The following PDK1 variants were observed in gnomAD, a reference collection of about 807,000 sequenced individuals.
The protein encoded by PDK1 is pyruvate dehydrogenase kinase 1.
Under a neutral mutation model 54.2 loss-of-function variants are expected in PDK1, and 39 were observed. That is an observed-to-expected ratio of 0.72 (90% CI 0.56 to 0.94). PDK1 has a LOEUF of 0.94. Ranked by LOEUF, PDK1 falls within the 40% of genes least tolerant of loss-of-function variation. The probability of loss-of-function intolerance (pLI) is 0.00; values close to 1 mark genes in which losing one functional copy is unlikely to be tolerated. For missense variants in PDK1, 552 were observed against 566.0 expected (o/e 0.98, Z 0.25); for synonymous variants, 221 against 207.1 (o/e 1.07, Z -0.58).
downstream of PDK1, among the ~76,000 whole-genome samples, chr2:172,609,083 G>A (rs147167171): frequency 3.8e-4 from 58 of 152,274 alleles, no homozygotes; most frequent in African/African-American, 1.4e-3. Flanking sequence ...GTTAATAATG[G>A]ACACTTTTGA....
At chr2:172,700,349 C>T in the PDK1 span, among the ~76,000 whole-genome samples, 189 of 104,976 alleles carry the variant, frequency 1.8e-3, no homozygotes, top group Middle Eastern at 6.3e-3. Flanking sequence ...GAGGCGCCCC[C>T]CACCTCCTGG....
Position 172,606,648 on chromosome 2 carries a change from A to C in PDK1, c.*10679A>C, listed in dbSNP as rs1198759445. The C allele has an allele frequency of 6.6e-6, 1 of 151,930 alleles. No individual in the cohort carries two copies. The highest frequency in any genetic ancestry group is 1.5e-5 in the Non-Finnish European group (1 of 67,980). 9.4% of individuals were successfully genotyped at this position (151,930 alleles called of 1,614,324 possible). On this transcript the variant is annotated 3_prime_UTR_variant, in exon 11 of 11. Transcript: ENST00000282077. ...CAGAAGTGGCATCAGTGCTGGTGTT[A>C]ATGGCTGCAGTAAAGTCAAATTCCT... is the stretch of plus-strand genomic sequence containing the variant.
intron 6 of PDK1, among the ~76,000 whole-genome samples, chr2:172,568,327 C>CAAAAAA (rs11400625): frequency 6.7e-4 from 38 of 56,786 alleles, no homozygotes; most frequent in East Asian, 1.0e-3. Context: ...GACTCCGTCT[C>CAAAAAA]AAAAAAAAAA....
intron 8 of PDK1, among the ~76,000 whole-genome samples, chr2:172,572,278 A>T (rs1379444053): frequency 6.6e-6 from 1 of 152,216 alleles, no homozygotes. Flanking sequence ...AAGTTTGTAT[A>T]TGAAATTCGA....
At chr2:172,635,695 C>A in the PDK1 span, among the ~76,000 whole-genome samples, 30 of 151,610 alleles carry the variant, frequency 2.0e-4, no homozygotes, top group South Asian at 8.3e-4. Flanking sequence ...ACTGCTGCCC[C>A]CCTCCACCCC....
Position 172,601,263 on chromosome 2 carries a change from A to G in PDK1, c.*5294A>G, listed in dbSNP as rs1449038517. ...AAAGGATGAAATACACAAGAAAATG[A>G]GAGAATTTAAGAGGAGTAGCAAAAC... is the stretch of plus-strand genomic sequence containing the variant. On this transcript the variant is annotated 3_prime_UTR_variant, in exon 11 of 11. Coordinates refer to ENST00000282077, the MANE Select transcript of PDK1 (RefSeq NM_002610.5). The G allele has an allele frequency of 2.6e-5, 4 of 152,224 alleles. No homozygotes were observed. The allele number at this position is 152,224 out of a possible 1,614,324, so 9.4% of individuals were successfully genotyped here. A position where few individuals can be genotyped will look rare whatever the true frequency, so the allele number is the denominator to read the frequency against.
the PDK1 span, among the ~76,000 whole-genome samples, chr2:172,631,059 C>T: frequency 1.3e-5 from 2 of 152,224 alleles, no homozygotes; most frequent in African/African-American, 4.8e-5. Flanking sequence ...TGGAAGTCAT[C>T]TTTATATATA....
the PDK1 span, among the ~76,000 whole-genome samples, chr2:172,687,218 CTAA>C: frequency 5.3e-5 from 8 of 152,106 alleles, no homozygotes; most frequent in African/African-American, 1.7e-4. Context: ...AGGCCAATTA[CTAA>C]TGAGGTTGAA....
intron 8 of PDK1, among the ~76,000 whole-genome samples, chr2:172,575,220 G>T (rs1358224749): frequency 6.6e-6 from 1 of 151,998 alleles, no homozygotes; most frequent in Non-Finnish European, 1.5e-5. Context: ...TTTTTTTATG[G>T]TTTATGTTGT....
At chr2:172,652,229 C>A in the PDK1 span, among the ~76,000 whole-genome samples, 1 of 152,220 alleles carries the variant, frequency 6.6e-6, no homozygotes, top group East Asian at 1.9e-4. Context: ...ACATGATTAT[C>A]TCAATAGATG....
At chr2:172,648,918 T>C in the PDK1 span, among the ~76,000 whole-genome samples, 1 of 152,306 alleles carries the variant, frequency 6.6e-6, no homozygotes, top group Admixed American at 6.5e-5. Context: ...AGGGCATAGC[T>C]GAACAAAAGG....
At chr2:172,610,106 G>A (rs909825198), downstream of PDK1, among the ~76,000 whole-genome samples, 1 of 152,080 alleles carries the variant, frequency 6.6e-6, no homozygotes, top group Admixed American at 6.6e-5. Flanking sequence ...ACAGGCGTGA[G>A]CCTCTGCACC....
At chr2:172,654,802 G>A in the PDK1 span, among the ~76,000 whole-genome samples, 47 of 152,166 alleles carry the variant, frequency 3.1e-4, 1 homozygote, top group Non-Finnish European at 2.6e-4. Flanking sequence ...TCTGCCTCGT[G>A]GAAAACCCAG....
chr2:172,618,833 T>A, the PDK1 span, among the ~76,000 whole-genome samples: 5 of 152,128 alleles, frequency 3.3e-5, no homozygotes, highest in East Asian at 9.7e-4. Context: ...AGTTCCAGAG[T>A]TGGGGATGGC....
downstream of PDK1, among the ~76,000 whole-genome samples, chr2:172,612,718 A>G (rs1051683898): frequency 6.6e-6 from 1 of 151,874 alleles, no homozygotes; most frequent in Non-Finnish European, 1.5e-5. Flanking sequence ...TCCAGGCTGG[A>G]GTGCAATGGC....
At chr2:172,573,645 TATATAC>T (rs1689417104) in intron 8 of PDK1, among the ~76,000 whole-genome samples, 5 of 146,148 alleles carry the variant, frequency 3.4e-5, no homozygotes, top group African/African-American at 5.2e-5. Context: ...TGTGTATATA[TATATAC>T]ACTCTCTCTA....
At chr2:172,613,995 C>T in the PDK1 span, among the ~76,000 whole-genome samples, 4 of 152,164 alleles carry the variant, frequency 2.6e-5, no homozygotes, top group African/African-American at 9.7e-5. Context: ...GCTGCCGCAC[C>T]CACAGCCGCA....
the PDK1 span, among the ~76,000 whole-genome samples, chr2:172,651,594 G>C: frequency 6.6e-6 from 1 of 152,096 alleles, no homozygotes; most frequent in Non-Finnish European, 1.5e-5. Context: ...GAAGAAAAGA[G>C]AGAAGAATCA....
chr2:172,627,143 G>A, the PDK1 span, among the ~76,000 whole-genome samples: 45 of 152,178 alleles, frequency 3.0e-4, no homozygotes, highest in African/African-American at 1.0e-3. Context: ...TGATGCACAC[G>A]GCTGAGAACA....
Sources: gnomAD v4.1 joint callset for allele counts (sites outside exome capture counted in the v4.1 genomes callset) on GRCh38, gnomAD v4.1.1 for gene constraint, MANE v1.5 for transcripts, NCBI Gene and HGNC (gene_info 2026-07-23, HGNC 2026-07-21) for gene names.